Variants in FAM177A1 observed in about 807,000 individuals in gnomAD.
The protein encoded by FAM177A1 is protein FAM177A1.
Under a neutral mutation model 26.1 loss-of-function variants are expected in FAM177A1, and 22 were observed. The observed-to-expected ratio is 0.84, with a 90% CI of 0.60 to 1.20. The LOEUF (loss-of-function observed/expected upper bound fraction) is 1.20, where lower values mean the gene tolerates loss of function less well. Among genes scored for constraint, FAM177A1 ranks in the 50% most tolerant of loss-of-function variants. The pLI, the probability that FAM177A1 is intolerant of heterozygous loss-of-function variation, is 0.00. For missense variants in FAM177A1, 296 were observed against 291.1 expected (o/e 1.02, Z -0.12); for synonymous variants, 95 against 99.3 (o/e 0.96, Z 0.26).
chr14:35,060,292 G>A (rs1411702671), intron 2 of FAM177A1, among the ~76,000 whole-genome samples: 2 of 152,026 alleles, frequency 1.3e-5, no homozygotes, highest in Admixed American at 6.6e-5. Flanking sequence ...GTTTTGTTTT[G>A]TTTTTAATAA....
At chr14:35,055,679 A>G (rs771401108) in intron 2 of FAM177A1, among the ~76,000 whole-genome samples, 2 of 152,004 alleles carry the variant, frequency 1.3e-5, no homozygotes, top group Non-Finnish European at 2.9e-5. Context: ...CAGCCTCCCA[A>G]AGTGCTGGGA....
chr14:35,070,114 CAAAAAAAAAAAAAAAAAAAAA>C lies in FAM177A1; in HGVS notation c.340-7020_340-7000del, dbSNP rs746133319. Among the ~76,000 whole-genome samples the C allele has an allele frequency of 1.3e-4, 7 of 53,826 alleles. 1 individual carries two copies. The highest frequency in any genetic ancestry group is 3.3e-4 in the African/African-American group (4 of 12,074). 35.3% of individuals were successfully genotyped at this position (53,826 alleles called of 152,430 possible). ...TGGGCGACAGAGTGAGACTCTGTCTCAAAAAAAAAAAAAAAAAAAAAAAAAAAAAAAAAAAAGAAGTGAAGA... is the reference window on the plus strand; with the variant it reads ...TGGGCGACAGAGTGAGACTCTGTCTCAAAAAAAAAAAAAAAGAAGTGAAGA... On this transcript the variant is annotated intron_variant, in intron 2 of 4. Coordinates refer to ENST00000280987, the MANE Select transcript of FAM177A1 (RefSeq NM_173607.5).
chr14:35,070,819 T>C (rs1258231398), intron 2 of FAM177A1, among the ~76,000 whole-genome samples: 1 of 151,974 alleles, frequency 6.6e-6, no homozygotes, highest in Non-Finnish European at 1.5e-5. Context: ...TAATATGATA[T>C]AATACATGTG....
At chr14:35,069,090 A>G (rs187404627) in intron 2 of FAM177A1, among the ~76,000 whole-genome samples, 46 of 152,312 alleles carry the variant, frequency 3.0e-4, no homozygotes, top group African/African-American at 8.2e-4. Context: ...TCTCAGTGCT[A>G]TTAGCTCTGG....
Position 35,046,609 on chromosome 14 carries a change from T to G in FAM177A1, c.146T>G (p.Phe49Cys). The stretch of plus-strand genomic sequence containing the variant: ...TCGGGAGCTGCGGCCGCCGCGGCAT[T>G]CGGGGAATCTGCAGGGCAGGTAGGT... ...AASGAAAAAA[F>C]GESAGQMSNE... Residue 49 changes from phenylalanine (F) to cysteine (C), a missense_variant, in exon 1 of 5, where the codon TTC (phenylalanine) becomes TGC (cysteine). Coordinates refer to ENST00000280987, the MANE Select transcript of FAM177A1 (RefSeq NM_173607.5). The G allele has an allele frequency of 6.5e-7, 1 of 1,548,492 alleles. No homozygotes were observed. Among genetic ancestry groups the G allele is most frequent in the East Asian group, 2.5e-5 (1 of 40,600 alleles).
chr14:35,061,504 G>T (rs1381094005), intron 2 of FAM177A1, among the ~76,000 whole-genome samples: 7 of 125,890 alleles, frequency 5.6e-5, no homozygotes, highest in South Asian at 5.3e-4. Flanking sequence ...ATGTCTATTT[G>T]TTTTTTTCTC....
At chr14:35,073,769 T>C (rs1293303839) in intron 2 of FAM177A1, among the ~76,000 whole-genome samples, 4 of 152,304 alleles carry the variant, frequency 2.6e-5, no homozygotes, top group African/African-American at 9.6e-5. Flanking sequence ...TAAACCGGAC[T>C]GCATTTGTAC....
intron 1 of FAM177A1, among the ~76,000 whole-genome samples, chr14:35,053,012 G>A (rs2044998862): frequency 6.6e-6 from 1 of 152,108 alleles, no homozygotes; most frequent in Admixed American, 6.6e-5. Flanking sequence ...TGTATTACTG[G>A]CCAAGACATC....
intron 2 of FAM177A1, among the ~76,000 whole-genome samples, chr14:35,057,774 C>T (rs191253116): frequency 4.1e-4 from 63 of 151,930 alleles, no homozygotes; most frequent in Non-Finnish European, 7.2e-4. Flanking sequence ...TTTTACTTCC[C>T]ATGTATTTGT....
intron 2 of FAM177A1, among the ~76,000 whole-genome samples, chr14:35,075,795 G>A (rs1286662388): frequency 6.6e-6 from 1 of 152,158 alleles, no homozygotes; most frequent in African/African-American, 2.4e-5. Context: ...CAAAGGATAT[G>A]AACAGACACT....
At chr14:35,060,018 G>C (rs2138540034) in intron 2 of FAM177A1, among the ~76,000 whole-genome samples, 1 of 149,604 alleles carries the variant, frequency 6.7e-6, no homozygotes, top group East Asian at 2.0e-4. Context: ...TTGTCGCCCA[G>C]GCGGGAGTGC....
chr14:35,077,853 C>A (rs2045422345), intron 3 of FAM177A1, among the ~76,000 whole-genome samples: 2 of 152,280 alleles, frequency 1.3e-5, no homozygotes, highest in African/African-American at 4.8e-5. Flanking sequence ...TGATAACATT[C>A]TCAATCTGTC....
intron 2 of FAM177A1, among the ~76,000 whole-genome samples, chr14:35,070,098 G>A (rs1425936161): frequency 2.7e-5 from 3 of 110,302 alleles, no homozygotes; most frequent in South Asian, 3.2e-4. Flanking sequence ...CTGGGCGACA[G>A]AGTGAGACTC....
intron 2 of FAM177A1, chr14:35,054,918 G>C (rs369070602): frequency 6.6e-6 from 1 of 151,554 alleles, no homozygotes; most frequent in African/African-American, 2.4e-5. Context: ...CGAAGGTTGC[G>C]GTGGGCCAAG....
upstream of FAM177A1, chr14:35,046,182 G>C (rs1229391023): frequency 3.5e-6 from 1 of 288,662 alleles, no homozygotes; most frequent in Non-Finnish European, 6.4e-6. Context: ...GGATCCACGA[G>C]CTCTGGATGC....
intron 2 of FAM177A1, among the ~76,000 whole-genome samples, chr14:35,062,664 C>T (rs1418096416): frequency 6.6e-6 from 1 of 151,864 alleles, no homozygotes; most frequent in African/African-American, 2.4e-5. Context: ...AGCACAGTGC[C>T]TCATGCCTAT....
intron 2 of FAM177A1, among the ~76,000 whole-genome samples, chr14:35,061,227 T>G (rs1467753036): frequency 6.6e-6 from 1 of 152,138 alleles, no homozygotes; most frequent in Non-Finnish European, 1.5e-5. Context: ...TGGACTTTTC[T>G]AGGTGTGTTG....
chr14:35,066,896 C>T (rs1214475115), intron 2 of FAM177A1, among the ~76,000 whole-genome samples: 4 of 151,098 alleles, frequency 2.6e-5, no homozygotes, highest in South Asian at 2.1e-4. Context: ...TGGGTTAAAG[C>T]GATTCTCCTA....
intron 2 of FAM177A1, among the ~76,000 whole-genome samples, chr14:35,068,488 C>T (rs1387564485): frequency 6.6e-6 from 1 of 152,164 alleles, no homozygotes; most frequent in African/African-American, 2.4e-5. Flanking sequence ...ATGTGAACCA[C>T]CGGCAGGAAA....
Sources: gnomAD v4.1 joint callset for allele counts (sites outside exome capture counted in the v4.1 genomes callset) on GRCh38, gnomAD v4.1.1 for gene constraint, MANE v1.5 for transcripts, NCBI Gene and HGNC (gene_info 2026-07-23, HGNC 2026-07-21) for gene names.